AKAP6: variants seen among roughly 807,000 people sequenced by gnomAD.
The protein encoded by AKAP6 is A-kinase anchoring protein 6, also known as A-kinase anchor protein 6.
AKAP6 carries 58 observed loss-of-function variants against 188.5 expected under a neutral mutation model. The ratio of observed to expected loss-of-function variants is 0.31; its 90% confidence interval spans 0.25 to 0.38. The LOEUF (loss-of-function observed/expected upper bound fraction) is 0.38, where lower values mean the gene tolerates loss of function less well. Ranked by LOEUF, AKAP6 falls within the 10% of genes least tolerant of loss-of-function variation. The pLI, the probability that AKAP6 is intolerant of heterozygous loss-of-function variation, is 1.00. For synonymous variants in AKAP6, 989 were observed against 998.6 expected (o/e 0.99, Z 0.18); for missense variants, 2,710 against 2,740.0 (o/e 0.99, Z 0.24).
chr14:32,460,224 CA>C lies in AKAP6; in HGVS notation c.324+26410del, dbSNP rs200303678. ...CCAGGCTGTGTGAAACTCTACAGGA[CA>C]AACAACCCTGTTTCTTCAACAAAAT... is the stretch of plus-strand genomic sequence containing the variant. On this transcript the variant is annotated intron_variant, in intron 2 of 13. Coordinates refer to ENST00000280979, the MANE Select transcript of AKAP6 (RefSeq NM_004274.5). 3.9e-5 allele frequency among the ~76,000 whole-genome samples: 6 copies of C among 152,238 alleles called. No homozygotes were observed. The East Asian group carries it at 1.2e-3, about 29-fold the overall frequency.
In AKAP6 at chr14:32,822,242, A is replaced by G. The variant is rs2034545374; in HGVS notation, c.4429A>G (p.Lys1477Glu). The G allele has an allele frequency of 6.2e-7, 1 of 1,613,984 alleles. No homozygotes were observed. The change falls in exon 13 of 14, where the codon AAA becomes GAA. Residue 1477 changes from lysine (K) to glutamate (E), a missense_variant. Lys to Glu is a moderately conservative substitution (Grantham distance 56). Around this residue, in one of 2 missense-constraint regions of AKAP6, gnomAD observed 2,473 missense variants for 2,426.1 expected, o/e 1.02. Transcript: ENST00000280979. Reference protein sequence around the residue: ...FYDYSYLQGSKLKLPMIMKQS... With the variant: ...FYDYSYLQGSELKLPMIMKQS... Reference sequence around the variant, plus strand: ...TGATTACTCATACCTCCAAGGCTCAAAACTCAAATTACCAATGATAATGAA... The same window carrying G: ...TGATTACTCATACCTCCAAGGCTCAGAACTCAAATTACCAATGATAATGAA...
At chr14:32,547,054 C>A in intron 4 of AKAP6, 55 bp downstream of exon 4, 1 of 1,488,560 alleles carries the variant, frequency 6.7e-7, no homozygotes, top group Non-Finnish European at 9.0e-7. Flanking sequence ...GGAAGTATTG[C>A]TGGGAGAAGG....
At chr14:32,513,097 G>A (rs896510497) in intron 2 of AKAP6, among the ~76,000 whole-genome samples, 2 of 152,108 alleles carry the variant, frequency 1.3e-5, no homozygotes, top group Non-Finnish European at 2.9e-5. Flanking sequence ...GGGTGTTGGG[G>A]TCACTCCAGG....
intron 1 of AKAP6, among the ~76,000 whole-genome samples, chr14:32,406,121 T>C (rs546239800): frequency 1.9e-3 from 293 of 152,184 alleles, no homozygotes; most frequent in African/African-American, 6.8e-3. Context: ...TGGGAAGGAG[T>C]GTAGCTGGCT....
intron 2 of AKAP6, among the ~76,000 whole-genome samples, chr14:32,469,268 G>A (rs1277233761): frequency 6.6e-6 from 1 of 152,188 alleles, no homozygotes. Flanking sequence ...CAACGGAGGA[G>A]ATTTTCACAA....
chr14:32,620,757 C>T (rs1188301774), intron 7 of AKAP6, among the ~76,000 whole-genome samples: 3 of 151,496 alleles, frequency 2.0e-5, no homozygotes, highest in Non-Finnish European at 2.9e-5. Flanking sequence ...CTTTGAATAT[C>T]TGGTAGAATT....
At chr14:32,393,700 A>G (rs959093392) in intron 1 of AKAP6, among the ~76,000 whole-genome samples, 4 of 152,138 alleles carry the variant, frequency 2.6e-5, no homozygotes, top group African/African-American at 9.6e-5. Context: ...AATTAAGAAG[A>G]AAAATTATAA....
intron 1 of AKAP6, among the ~76,000 whole-genome samples, chr14:32,338,641 G>C (rs1470637442): frequency 6.6e-6 from 1 of 152,054 alleles, no homozygotes; most frequent in Non-Finnish European, 1.5e-5. Context: ...AACAAAAACA[G>C]AGCCTGGCAG....
chr14:32,527,773 G>T (rs369371004), intron 2 of AKAP6, among the ~76,000 whole-genome samples: 80 of 152,156 alleles, frequency 5.3e-4, no homozygotes, highest in African/African-American at 1.8e-3. Flanking sequence ...ATCTGTTAAG[G>T]TCTTTGGACT....
In AKAP6 at chr14:32,546,305, C is replaced by T; in HGVS notation, c.1652C>T (p.Thr551Ile). 6.2e-7 allele frequency: 1 copy of T among 1,614,214 alleles called. No individual in the cohort carries two copies. The highest frequency in any genetic ancestry group is 8.5e-7 in the Non-Finnish European group (1 of 1,180,026). The change falls in exon 4 of 14, where the codon ACA becomes ATA. Residue 551 changes from threonine (T) to isoleucine (I), a missense_variant. Thr to Ile is a moderately conservative substitution (Grantham distance 89). Transcript: ENST00000280979. ...IEGPQTNSAS[T>I]SSLEPCNQRS... ...GGGCCACAAACAAATTCTGCTTCCA[C>T]ATCCTCACTTGAGCCTTGTAATCAG...
At chr14:32,387,968 A>T (rs549888911) in intron 1 of AKAP6, among the ~76,000 whole-genome samples, 2 of 152,014 alleles carry the variant, frequency 1.3e-5, no homozygotes, top group Admixed American at 1.3e-4. Flanking sequence ...CTGTGAATCC[A>T]TCTGGTCCTG....
chr14:32,608,788 T>G (rs769121322), intron 7 of AKAP6, among the ~76,000 whole-genome samples: 5 of 152,196 alleles, frequency 3.3e-5, no homozygotes, highest in South Asian at 4.1e-4. Context: ...TATTGGCAGA[T>G]CTCACATTTT....
At chr14:32,412,172 C>T (rs1566489298) in intron 1 of AKAP6, among the ~76,000 whole-genome samples, 1 of 152,184 alleles carries the variant, frequency 6.6e-6, no homozygotes, top group Non-Finnish European at 1.5e-5. Context: ...TAGTAGGTAG[C>T]ATACAATTGT....
At chr14:32,613,031 T>G (rs1317344288) in intron 7 of AKAP6, among the ~76,000 whole-genome samples, 1 of 152,250 alleles carries the variant, frequency 6.6e-6, no homozygotes, top group Non-Finnish European at 1.5e-5. Flanking sequence ...TACATACACA[T>G]CCTTCTAGTA....
rs117056950 is a variant in AKAP6, at chr14:32,620,678, T to C, written c.2730+19886T>C. Among the ~76,000 whole-genome samples, 967 of 152,240 alleles carry C rather than the reference T, an allele frequency of 6.4e-3. 4 individuals are homozygous for C. Among genetic ancestry groups the C allele is most frequent in the Non-Finnish European group, 0.01 (683 of 67,978 alleles). ...TGGTATTAGGGTAATACTGGCTTCATAGAATGAGTTAGAGAGGATTCCTTC... is the reference window on the plus strand; with the variant it reads ...TGGTATTAGGGTAATACTGGCTTCACAGAATGAGTTAGAGAGGATTCCTTC... On this transcript the variant is annotated intron_variant, in intron 7 of 13. Coordinates refer to ENST00000280979, the MANE Select transcript of AKAP6 (RefSeq NM_004274.5).
At chr14:32,762,945 A>T (rs927270962) in intron 11 of AKAP6, among the ~76,000 whole-genome samples, 8 of 152,132 alleles carry the variant, frequency 5.3e-5, no homozygotes, top group African/African-American at 1.7e-4. Context: ...CTGGGTAAAC[A>T]AACAGAGGGG....
intron 7 of AKAP6, among the ~76,000 whole-genome samples, chr14:32,676,466 A>G (rs538048133): frequency 6.6e-6 from 1 of 152,248 alleles, no homozygotes; most frequent in Non-Finnish European, 1.5e-5. Flanking sequence ...CACATCATCA[A>G]TAAAGATACT....
At chr14:32,617,337 T>G (rs1189652389) in intron 7 of AKAP6, among the ~76,000 whole-genome samples, 1 of 142,310 alleles carries the variant, frequency 7.0e-6, no homozygotes, top group Non-Finnish European at 1.6e-5. Context: ...GTGGTCTGTC[T>G]GCCACCCAGT....
chr14:32,430,771 C>T (rs957915466), intron 1 of AKAP6, among the ~76,000 whole-genome samples: 1 of 152,086 alleles, frequency 6.6e-6, no homozygotes, highest in African/African-American at 2.4e-5. Context: ...TCTAAACTTA[C>T]CCCCAGAGGG....
Sources: gnomAD v4.1 joint callset for allele counts (sites outside exome capture counted in the v4.1 genomes callset) on GRCh38, gnomAD v4.1.1 for gene constraint, gnomAD v4.1.1 regional missense constraint, MANE v1.5 for transcripts, NCBI Gene and HGNC (gene_info 2026-07-23, HGNC 2026-07-21) for gene names.